The following NXPE2 variants were observed in gnomAD, a reference collection of about 807,000 sequenced individuals.
NXPE2 encodes NXPE family member 2.
NXPE2 carries 34 observed loss-of-function variants against 34.4 expected under a neutral mutation model. The observed-to-expected ratio is 0.99, with a 90% CI of 0.75 to 1.31. The LOEUF (loss-of-function observed/expected upper bound fraction) is 1.31, where lower values mean the gene tolerates loss of function less well. Among genes scored for constraint, NXPE2 ranks in the 40% most tolerant of loss-of-function variants. The probability of loss-of-function intolerance (pLI) is 0.00; values close to 1 mark genes in which losing one functional copy is unlikely to be tolerated. For synonymous variants in NXPE2, 235 were observed against 231.3 expected, an observed-to-expected ratio of 1.02 and a Z score of -0.15; for missense variants, 649 against 672.5, an observed-to-expected ratio of 0.97 and a Z score of 0.39.
chr11:114,645,065 G>T, the NXPE2 span, among the ~76,000 whole-genome samples: 6 of 151,700 alleles, frequency 4.0e-5, no homozygotes, highest in South Asian at 2.1e-4. Flanking sequence ...ACTTTGGGAG[G>T]CTGAGGCAGG....
At chr11:114,598,335 C>A in the NXPE2 span, among the ~76,000 whole-genome samples, 4 of 35,846 alleles carry the variant, frequency 1.1e-4, no homozygotes, top group Non-Finnish European at 2.3e-4. Flanking sequence ...GTGCAAGCTG[C>A]CAGTGTATCT....
chr11:114,695,979 C>G lies in NXPE2; in HGVS notation c.133-2066C>G, dbSNP rs570565123. 9.2e-5 allele frequency among the ~76,000 whole-genome samples: 14 copies of G among 152,072 alleles called. No individual in the cohort carries two copies. The East Asian group carries it at 2.7e-3, about 29-fold the overall frequency. On this transcript the variant is annotated intron_variant, in intron 2 of 5. Coordinates refer to ENST00000389586, the MANE Select transcript of NXPE2 (RefSeq NM_182495.6). Reference sequence around the variant, plus strand: ...GTTGCAGTGAGCCGAGATTGTGCCACTGCACTCCAGCCTGGGTGACACAGC... The same window carrying G: ...GTTGCAGTGAGCCGAGATTGTGCCAGTGCACTCCAGCCTGGGTGACACAGC...
the NXPE2 span, among the ~76,000 whole-genome samples, chr11:114,751,680 C>G: frequency 6.6e-6 from 1 of 152,160 alleles, no homozygotes; most frequent in Non-Finnish European, 1.5e-5. Context: ...AATGACCCCC[C>G]AAAATGTCCA....
the NXPE2 span, among the ~76,000 whole-genome samples, chr11:114,775,255 G>A: frequency 6.6e-6 from 1 of 152,202 alleles, no homozygotes; most frequent in African/African-American, 2.4e-5. Context: ...GGCAGCACAG[G>A]GTGAGAGGCT....
chr11:114,664,061 A>G, the NXPE2 span, among the ~76,000 whole-genome samples: 2 of 152,192 alleles, frequency 1.3e-5, no homozygotes, highest in Non-Finnish European at 2.9e-5. Flanking sequence ...CGTTCACACA[A>G]AAGTTTATAC....
At chr11:114,706,234 TTTG>T (rs1453947911) in intron 5 of NXPE2, among the ~76,000 whole-genome samples, 158 bp from the exon 6 acceptor site, 2 of 152,172 alleles carry the variant, frequency 1.3e-5, no homozygotes, top group African/African-American at 4.8e-5. Context: ...AGTTCAATAT[TTTG>T]TTAAGATTGT....
the NXPE2 span, among the ~76,000 whole-genome samples, chr11:114,766,324 C>T: frequency 5.1e-4 from 78 of 152,252 alleles, no homozygotes; most frequent in Admixed American, 1.8e-3. Flanking sequence ...ATGACAATCC[C>T]CTATTAGGAA....
the NXPE2 span, among the ~76,000 whole-genome samples, chr11:114,508,540 C>CA: frequency 6.6e-6 from 1 of 152,186 alleles, no homozygotes; most frequent in Admixed American, 6.5e-5. Context: ...GGTATAAGAA[C>CA]ATACACAGAG....
chr11:114,648,919 A>G, the NXPE2 span, among the ~76,000 whole-genome samples: 1 of 149,334 alleles, frequency 6.7e-6, no homozygotes, highest in Non-Finnish European at 1.5e-5. Flanking sequence ...AATACATCTT[A>G]TGTTATATGA....
At chr11:114,535,098 C>G in the NXPE2 span, among the ~76,000 whole-genome samples, 19 of 152,324 alleles carry the variant, frequency 1.2e-4, no homozygotes, top group South Asian at 2.3e-3. Flanking sequence ...AGAAACTCTA[C>G]GAGCCAGAAG....
chr11:114,741,970 T>A, the NXPE2 span, among the ~76,000 whole-genome samples: 2 of 152,164 alleles, frequency 1.3e-5, no homozygotes, highest in East Asian at 3.9e-4. Context: ...GAAAGACCTT[T>A]GCCAATCAGC....
At chr11:114,726,367 G>T in the NXPE2 span, among the ~76,000 whole-genome samples, 2 of 151,752 alleles carry the variant, frequency 1.3e-5, no homozygotes, top group African/African-American at 4.8e-5. Context: ...CCTGCTTGAG[G>T]TTCTGTGAAA....
the NXPE2 span, among the ~76,000 whole-genome samples, chr11:114,616,080 T>C: frequency 8.6e-5 from 13 of 151,800 alleles, no homozygotes; most frequent in African/African-American, 2.4e-4. Flanking sequence ...TAAACACTGT[T>C]ACCTGCTGCA....
the NXPE2 span, among the ~76,000 whole-genome samples, chr11:114,546,730 A>G: frequency 0.23 from 34,443 of 152,054 alleles, 5,498 homozygotes; most frequent in African/African-American, 0.44. Flanking sequence ...GGCTCCTTGG[A>G]TAAACGGCTG....
chr11:114,768,502 A>G, the NXPE2 span, among the ~76,000 whole-genome samples: 1 of 152,208 alleles, frequency 6.6e-6, no homozygotes, highest in African/African-American at 2.4e-5. Context: ...TACTTTGGGC[A>G]ATATGGCCAT....
chr11:114,736,069 A>G, the NXPE2 span, among the ~76,000 whole-genome samples: 3 of 152,154 alleles, frequency 2.0e-5, no homozygotes, highest in Non-Finnish European at 4.4e-5. Flanking sequence ...TGGGTCAGAG[A>G]GATCACATAC....
chr11:114,646,634 A>G, the NXPE2 span, among the ~76,000 whole-genome samples: 56 of 152,302 alleles, frequency 3.7e-4, no homozygotes, highest in African/African-American at 1.3e-3. Context: ...AAGTATTTTT[A>G]CTATAACACC....
the NXPE2 span, among the ~76,000 whole-genome samples, chr11:114,792,904 C>T: frequency 6.6e-6 from 1 of 152,154 alleles, no homozygotes; most frequent in Admixed American, 6.5e-5. Flanking sequence ...CTAACCACTA[C>T]CCTGCATTGA....
the NXPE2 span, among the ~76,000 whole-genome samples, chr11:114,651,144 G>C: frequency 1.3e-5 from 2 of 152,008 alleles, no homozygotes; most frequent in African/African-American, 4.8e-5. Flanking sequence ...CCTTCCAGTG[G>C]GTTCTTGGTC....
Sources: allele counts gnomAD v4.1 joint callset (sites outside exome capture counted in the v4.1 genomes callset), GRCh38; gene constraint gnomAD v4.1.1; transcripts MANE v1.5; gene names NCBI Gene and HGNC (gene_info 2026-07-23, HGNC 2026-07-21).